Variants in PTPRD observed in about 807,000 individuals in gnomAD.
The protein encoded by PTPRD is receptor-type tyrosine-protein phosphatase delta.
PTPRD carries 34 observed loss-of-function variants against 214.5 expected under a neutral mutation model. The ratio of observed to expected loss-of-function variants is 0.16; its 90% CI spans 0.12 to 0.21. The LOEUF is 0.21. Among genes scored for constraint, PTPRD ranks in the 10% least tolerant of loss-of-function variants. PTPRD has a pLI of 1.00. For synonymous variants in PTPRD, 1,128 were observed against 845.7 expected, an observed-to-expected ratio of 1.33 and a Z score of -5.79; for missense variants, 2,545 against 2,398.7, an observed-to-expected ratio of 1.06 and a Z score of -1.27.
At chr9:10,113,571 C>T (rs953239423) in intron 3 of PTPRD, among the ~76,000 whole-genome samples, 2 of 152,130 alleles carry the variant, frequency 1.3e-5, no homozygotes, top group African/African-American at 4.8e-5. Context: ...GCTTAATAAA[C>T]ATACAGATTC....
chr9:9,127,402 C>T (rs1382109887), intron 10 of PTPRD, among the ~76,000 whole-genome samples: 1 of 152,032 alleles, frequency 6.6e-6, no homozygotes, highest in African/African-American at 2.4e-5. Context: ...ACTAGGTGGA[C>T]AGTGTAAGTA....
At chr9:9,832,261 A>G (rs933277995) in intron 5 of PTPRD, among the ~76,000 whole-genome samples, 3 of 152,126 alleles carry the variant, frequency 2.0e-5, no homozygotes, top group African/African-American at 7.2e-5. Context: ...AGTATCTACA[A>G]TGAAGTACCA....
chr9:9,118,592 T>C (rs1318410548), intron 10 of PTPRD, among the ~76,000 whole-genome samples: 1 of 152,112 alleles, frequency 6.6e-6, no homozygotes, highest in East Asian at 1.9e-4. Context: ...CTCATACATC[T>C]CCTCCCTTAA....
At chr9:9,713,805 C>T (rs2097774239) in intron 7 of PTPRD, among the ~76,000 whole-genome samples, 1 of 152,118 alleles carries the variant, frequency 6.6e-6, no homozygotes, top group African/African-American at 2.4e-5. Context: ...AAAATTATGG[C>T]CACTTGTCTC....
chr9:9,768,745 G>C (rs1351774751), intron 5 of PTPRD, among the ~76,000 whole-genome samples: 2 of 152,176 alleles, frequency 1.3e-5, no homozygotes, highest in African/African-American at 4.8e-5. Context: ...TTGTCTAATA[G>C]CCATGAAAAC....
At chr9:9,762,911 C>T (rs1205870611) in intron 6 of PTPRD, among the ~76,000 whole-genome samples, 1 of 152,154 alleles carries the variant, frequency 6.6e-6, no homozygotes, top group Non-Finnish European at 1.5e-5. Flanking sequence ...TTTCTGGAGG[C>T]TGGGAAGTTC....
chr9:10,096,883 G>T (rs1451028687), intron 3 of PTPRD, among the ~76,000 whole-genome samples: 6 of 151,888 alleles, frequency 4.0e-5, no homozygotes, highest in African/African-American at 1.4e-4. Flanking sequence ...GTCTAACACT[G>T]AAGTCTTTAA....
intron 2 of PTPRD, among the ~76,000 whole-genome samples, chr9:10,608,482 C>A (rs2080078121): frequency 6.6e-6 from 1 of 152,054 alleles, no homozygotes; most frequent in African/African-American, 2.4e-5. Flanking sequence ...AGGACAATTT[C>A]CTTAGCCCTC....
rs555891707 is a variant in PTPRD at position 8,335,487 on chromosome 9, G to A, written c.5379+3435C>T. Reference sequence around the variant, plus strand: ...TCAATAAACTAGGTACTGATGGAACGTATCTCAAAATAAGAAGAGCTATTT... The same window carrying A: ...TCAATAAACTAGGTACTGATGGAACATATCTCAAAATAAGAAGAGCTATTT... On this transcript the variant is annotated intron_variant, in intron 43 of 45. Coordinates refer to ENST00000381196, the MANE Select transcript of PTPRD (RefSeq NM_002839.4). 8.3e-4 allele frequency among the ~76,000 whole-genome samples: 126 copies of A among 152,242 alleles called. 1 individual carries two copies. Among genetic ancestry groups the A allele is most frequent in the Middle Eastern group, 3.4e-3 (1 of 294 alleles).
intron 8 of PTPRD, among the ~76,000 whole-genome samples, chr9:9,549,781 A>G (rs2079737521): frequency 6.6e-6 from 1 of 152,052 alleles, no homozygotes; most frequent in Admixed American, 6.6e-5. Context: ...CTTACATAAA[A>G]ACTCTCAAAA....
At chr9:10,060,701 G>T (rs921721368) in intron 3 of PTPRD, among the ~76,000 whole-genome samples, 1 of 133,432 alleles carries the variant, frequency 7.5e-6, no homozygotes, top group African/African-American at 4.2e-5. Flanking sequence ...TTCACAAAAG[G>T]CTTTTTAAAA....
At chr9:8,392,024 A>G (rs890004894) in intron 36 of PTPRD, among the ~76,000 whole-genome samples, 2 of 152,156 alleles carry the variant, frequency 1.3e-5, no homozygotes, top group Non-Finnish European at 2.9e-5. Context: ...CCAGGATAAG[A>G]ATACAAAAAT....
intron 11 of PTPRD, among the ~76,000 whole-genome samples, chr9:8,803,324 ATAATT>A (rs752950735): frequency 1.3e-5 from 2 of 152,150 alleles, no homozygotes; most frequent in Non-Finnish European, 1.5e-5. Flanking sequence ...AGGCTTCCCT[ATAATT>A]TAATTACCTG....
intron 9 of PTPRD, among the ~76,000 whole-genome samples, chr9:9,324,208 A>C (rs964394882): frequency 2.6e-5 from 4 of 152,210 alleles, no homozygotes; most frequent in Admixed American, 2.0e-4. Context: ...TACACGCAGT[A>C]ATGGGATGGC....
chr9:8,617,581 G>A (rs1327049280), intron 14 of PTPRD, among the ~76,000 whole-genome samples: 1 of 152,058 alleles, frequency 6.6e-6, no homozygotes, highest in Non-Finnish European at 1.5e-5. Flanking sequence ...TCTTGTCTAA[G>A]TACTGGGATA....
intron 5 of PTPRD, among the ~76,000 whole-genome samples, chr9:9,875,409 G>C (rs143276754): frequency 8.2e-4 from 125 of 152,026 alleles, no homozygotes; most frequent in African/African-American, 2.6e-3. Flanking sequence ...AAAATACAAA[G>C]GCTGGATAAT....
intron 5 of PTPRD, among the ~76,000 whole-genome samples, chr9:9,779,142 T>C (rs1195541379): frequency 7.5e-6 from 1 of 133,878 alleles, no homozygotes; most frequent in Non-Finnish European, 1.6e-5. Flanking sequence ...TAAATGATAC[T>C]GCTAGCCACA....
At chr9:10,189,773 A>G (rs1593592534) in intron 3 of PTPRD, among the ~76,000 whole-genome samples, 4 of 152,208 alleles carry the variant, frequency 2.6e-5, no homozygotes, top group African/African-American at 9.6e-5. Flanking sequence ...CTGAGAAATC[A>G]AAACATTCTT....
chr9:10,026,231 G>T (rs542131365), intron 4 of PTPRD, among the ~76,000 whole-genome samples: 1 of 152,128 alleles, frequency 6.6e-6, no homozygotes, highest in African/African-American at 2.4e-5. Flanking sequence ...ACTGCCTTTG[G>T]CTAGCTGGAG....
Sources: gnomAD v4.1 joint callset for allele counts (sites outside exome capture counted in the v4.1 genomes callset) on GRCh38, gnomAD v4.1.1 for gene constraint, MANE v1.5 for transcripts, NCBI Gene and HGNC (gene_info 2026-07-23, HGNC 2026-07-21) for gene names.